NPIPB2: variants seen among roughly 807,000 people sequenced by gnomAD.
NPIPB2 encodes nuclear pore complex interacting protein family member B2, also known as nuclear pore complex-interacting protein family member B2.
In NPIPB2, 27 loss-of-function variants were observed where a neutral mutation model predicts 30.8. That is an observed-to-expected ratio of 0.88 (90% confidence interval 0.65 to 1.21). NPIPB2 has a LOEUF of 1.21. Among genes scored for constraint, NPIPB2 ranks in the 50% most tolerant of loss-of-function variants. The pLI is 0.00. For missense variants in NPIPB2, 440 were observed against 446.2 expected (o/e 0.99, Z 0.13); for synonymous variants, 147 against 162.0 (o/e 0.91, Z 0.70).
At chr16:11,951,984 C>T (rs1044181565) in intron 1 of NPIPB2, among the ~76,000 whole-genome samples, 1 of 152,040 alleles carries the variant, frequency 6.6e-6, no homozygotes, top group African/African-American at 2.4e-5. Context: ...ACGGTGAAAC[C>T]CCGACTCTAC....
At chr16:11,930,530 A>C (rs1230831536) in exon 5 of NPIPB2, 1 of 1,586,772 alleles carries the variant, frequency 6.3e-7, no homozygotes, top group Non-Finnish European at 8.5e-7. Flanking sequence ...CTGCATGCTC[A>C]CATTCTTTCA....
chr16:11,957,594 C>G (rs1192624683), intron 1 of NPIPB2, among the ~76,000 whole-genome samples: 1 of 152,120 alleles, frequency 6.6e-6, no homozygotes, highest in African/African-American at 2.4e-5. Flanking sequence ...GTGCCTGGCC[C>G]TTAAATCAGT....
chr16:11,927,522 G>C (rs749453341), exon 8 of NPIPB2: 6 of 1,583,588 alleles, frequency 3.8e-6, no homozygotes, highest in Non-Finnish European at 5.1e-6. Flanking sequence ...GGTTCGGGTG[G>C]TGATTCCATC....
chr16:11,961,311 G>T (rs1047688768), intron 1 of NPIPB2, among the ~76,000 whole-genome samples: 1 of 152,004 alleles, frequency 6.6e-6, no homozygotes, highest in South Asian at 2.1e-4. Context: ...TCCTGCCTAG[G>T]CAGCCTCTCC....
At chr16:11,973,216 G>A (rs1413608633) in intron 1 of NPIPB2, among the ~76,000 whole-genome samples, 3 of 151,638 alleles carry the variant, frequency 2.0e-5, no homozygotes, top group Non-Finnish European at 4.4e-5. Context: ...CTAAAAGGGA[G>A]GAGTCTATCG....
chr16:11,967,760 T>C lies in NPIPB2; in HGVS notation c.-584+8808A>G, dbSNP rs538420880. 6 of 1,614,106 alleles carry C rather than the reference T, an allele frequency of 3.7e-6. No homozygotes were observed. The South Asian group carries it at 5.5e-5, about 15-fold the overall frequency. On this transcript the variant is annotated intron_variant, in intron 1 of 5. Transcript: ENST00000538896. Reference sequence around the variant, plus strand: ...CTATGGAGGAAGGCGCAACCATTCTTGTCACCACGAAAACGAATGACTATT... The same window carrying C: ...CTATGGAGGAAGGCGCAACCATTCTCGTCACCACGAAAACGAATGACTATT...
At chr16:11,973,261 C>T (rs2055247033) in intron 1 of NPIPB2, among the ~76,000 whole-genome samples, 1 of 151,886 alleles carries the variant, frequency 6.6e-6, no homozygotes, top group South Asian at 2.1e-4. Flanking sequence ...CCATCATGGC[C>T]TGAACTAGTT....
chr16:11,959,201 C>T (rs998727346), intron 1 of NPIPB2, among the ~76,000 whole-genome samples: 1 of 152,032 alleles, frequency 6.6e-6, no homozygotes, highest in Non-Finnish European at 1.5e-5. Context: ...CCTTCTATGT[C>T]ACGCAAGGGC....
chr16:11,967,024 G>T (rs11570154), intron 1 of NPIPB2: 75 of 192,574 alleles, frequency 3.9e-4, no homozygotes, highest in Non-Finnish European at 6.6e-4. Context: ...ATTTAGAGAT[G>T]GAGTCTCGCT....
intron 1 of NPIPB2, among the ~76,000 whole-genome samples, chr16:11,961,927 C>G (rs2055155707): frequency 6.6e-6 from 1 of 151,926 alleles, no homozygotes; most frequent in Non-Finnish European, 1.5e-5. Context: ...TGGCTGGGCA[C>G]TGTGGCTTAC....
intron 1 of NPIPB2, among the ~76,000 whole-genome samples, chr16:11,947,322 T>TTATTTTTATA (rs144577397): frequency 3.3e-5 from 4 of 119,946 alleles, no homozygotes; most frequent in South Asian, 4.7e-4. Flanking sequence ...ATTTATTTAT[T>TTATTTTTATA]TATATATATA....
At chr16:11,927,800 T>G in exon 8 of NPIPB2, 1 of 1,523,316 alleles carries the variant, frequency 6.6e-7, no homozygotes, top group Non-Finnish European at 8.8e-7. Flanking sequence ...GCCCATCCTG[T>G]TTTTTAAAGT....
At chr16:11,941,939 C>T in intron 1 of NPIPB2, 44 bp downstream of exon 1, 2 of 1,026,240 alleles carry the variant, frequency 1.9e-6, no homozygotes, top group Non-Finnish European at 2.9e-6. Context: ...GGCGACAAAA[C>T]ATAAAAAACA....
intron 2 of NPIPB2, among the ~76,000 whole-genome samples, chr16:11,934,669 G>A (rs1449700624): frequency 2.0e-5 from 3 of 151,676 alleles, no homozygotes; most frequent in Non-Finnish European, 4.4e-5. Flanking sequence ...CACCATCTTG[G>A]GCAACATGGT....
intron 1 of NPIPB2, among the ~76,000 whole-genome samples, chr16:11,972,009 G>C (rs2055238606): frequency 6.6e-6 from 1 of 151,840 alleles, no homozygotes; most frequent in Non-Finnish European, 1.5e-5. Flanking sequence ...AGCCGGGTGT[G>C]GTGGCAGGCA....
chr16:11,944,826 A>G (rs1177771306), upstream of NPIPB2, among the ~76,000 whole-genome samples: 3 of 151,358 alleles, frequency 2.0e-5, no homozygotes, highest in East Asian at 1.9e-4. Flanking sequence ...AGATGCTGTT[A>G]CCTGCTGAAG....
intron 1 of NPIPB2, among the ~76,000 whole-genome samples, chr16:11,966,766 T>C (rs974287697): frequency 2.6e-5 from 4 of 152,206 alleles, no homozygotes; most frequent in Admixed American, 1.3e-4. Context: ...GTGAACATTT[T>C]ACTACTGAAA....
At chr16:11,944,601 A>G (rs2054983159), upstream of NPIPB2, among the ~76,000 whole-genome samples, 1 of 151,110 alleles carries the variant, frequency 6.6e-6, no homozygotes, top group Non-Finnish European at 1.5e-5. Flanking sequence ...TGTCTCTACT[A>G]AAAATACAAA....
At chr16:11,962,407 G>A (rs556485651) in intron 1 of NPIPB2, among the ~76,000 whole-genome samples, 1 of 151,894 alleles carries the variant, frequency 6.6e-6, no homozygotes, top group East Asian at 1.9e-4. Context: ...AGGAGATCGA[G>A]ACCATCCTGG....
Sources: allele counts gnomAD v4.1 joint callset (sites outside exome capture counted in the v4.1 genomes callset), GRCh38; gene constraint gnomAD v4.1.1; transcripts MANE v1.5; gene names NCBI Gene and HGNC (gene_info 2026-07-23, HGNC 2026-07-21).